The following CENPP variants were observed in gnomAD, a reference collection of about 807,000 sequenced individuals.
CENPP encodes centromere protein P.
In CENPP, 24 loss-of-function variants were observed where a neutral mutation model predicts 35.6. The observed-to-expected ratio is 0.67, with a 90% confidence interval of 0.49 to 0.95. The LOEUF (loss-of-function observed/expected upper bound fraction) is 0.95. Ranked by LOEUF, CENPP falls within the 40% of genes least tolerant of loss-of-function variation. CENPP has a pLI of 0.00. For synonymous variants in CENPP, 120 were observed against 125.5 expected, an observed-to-expected ratio of 0.96 and a Z score of 0.29; for missense variants, 332 against 345.3, an observed-to-expected ratio of 0.96 and a Z score of 0.31.
At chr9:92,500,136 G>A (rs139287586) in intron 5 of CENPP, among the ~76,000 whole-genome samples, 1 of 152,254 alleles carries the variant, frequency 6.6e-6, no homozygotes, top group African/African-American at 2.4e-5. Flanking sequence ...TTGCTTTGAA[G>A]ACTCATTTGA....
At chr9:92,490,271 G>C (rs1846146103) in intron 5 of CENPP, among the ~76,000 whole-genome samples, 2 of 152,190 alleles carry the variant, frequency 1.3e-5, no homozygotes, top group South Asian at 4.1e-4. Flanking sequence ...TTCTAGTTGA[G>C]AGCCAAGATA....
intron 5 of CENPP, chr9:92,523,007 T>G (rs1341654798): frequency 7.1e-6 from 7 of 992,298 alleles, no homozygotes; most frequent in Non-Finnish European, 1.0e-5. Context: ...ATTACACTTA[T>G]GATATATGGA....
chr9:92,431,331 T>G (rs1248949961), intron 5 of CENPP, among the ~76,000 whole-genome samples: 2 of 152,214 alleles, frequency 1.3e-5, no homozygotes, highest in African/African-American at 4.8e-5. Context: ...GCCTGTCGAT[T>G]GATGCACTGT....
intron 5 of CENPP, among the ~76,000 whole-genome samples, chr9:92,418,147 T>C (rs72752467): frequency 0.036 from 5,435 of 151,886 alleles, 129 homozygotes; most frequent in South Asian, 0.086. Context: ...AGTGTAGTGG[T>C]GCAGGCTTGG....
intron 5 of CENPP, among the ~76,000 whole-genome samples, chr9:92,558,686 G>A (rs1588274424): frequency 1.3e-5 from 2 of 152,192 alleles, no homozygotes; most frequent in African/African-American, 4.8e-5. Context: ...AGCAGTAGGC[G>A]GGGTCCTAGA....
intron 2 of CENPP, 136 bp from the exon 3 acceptor site, chr9:92,337,405 T>G: frequency 1.8e-6 from 1 of 544,668 alleles, no homozygotes; most frequent in South Asian, 2.9e-5. Flanking sequence ...TCTTCCAGAG[T>G]TTTTCAATGT....
intron 5 of CENPP, among the ~76,000 whole-genome samples, chr9:92,447,955 GGTAA>G (rs1057435491): frequency 2.0e-5 from 3 of 152,268 alleles, no homozygotes; most frequent in Non-Finnish European, 2.9e-5. Context: ...TTTTGAATGA[GGTAA>G]GTGTTTGAGA....
At chr9:92,479,012 G>T (rs984366965) in intron 5 of CENPP, among the ~76,000 whole-genome samples, 1 of 152,140 alleles carries the variant, frequency 6.6e-6, no homozygotes, top group Non-Finnish European at 1.5e-5. Flanking sequence ...ACCACGTAAT[G>T]GTTTCCCAGA....
intron 5 of CENPP, among the ~76,000 whole-genome samples, chr9:92,584,175 G>A (rs1325835986): frequency 1.3e-5 from 2 of 152,190 alleles, no homozygotes; most frequent in Non-Finnish European, 2.9e-5. Context: ...CCCATCTGCA[G>A]CAATACAAAT....
chr9:92,367,311 G>T (rs112730655), intron 4 of CENPP, among the ~76,000 whole-genome samples: 2 of 150,982 alleles, frequency 1.3e-5, no homozygotes, highest in East Asian at 2.0e-4. Flanking sequence ...GAATTACAGG[G>T]GCACGCCACC....
rs1419894922 is a variant in CENPP, at chr9:92,593,224, GAGA to G, written c.565-18087_565-18085del. On this transcript the variant is annotated intron_variant, in intron 5 of 7. Coordinates refer to ENST00000375587, the MANE Select transcript of CENPP (RefSeq NM_001012267.3). The surrounding 1 kb of genome is among the most constrained non-coding windows in gnomAD (Gnocchi z 4.1). ...GGTGAGCCAGCTCCTGGGCAAAGGT[GAGA>G]AGGATTTGTCACCAGAAGAAGGGAG... Among the ~76,000 whole-genome samples, 1 of 152,240 alleles carries G rather than the reference GAGA, an allele frequency of 6.6e-6. No individual in the cohort carries two copies. Among genetic ancestry groups the G allele is most frequent in the Non-Finnish European group, 1.5e-5 (1 of 68,036 alleles).
chr9:92,536,860 A>AT (rs200712976), intron 5 of CENPP, among the ~76,000 whole-genome samples: 15,468 of 139,904 alleles, frequency 0.11, 900 homozygotes, highest in Middle Eastern at 0.16. Context: ...TTTTAGAACT[A>AT]TTTTTTAAAT....
At chr9:92,565,064 C>T (rs35163281) in intron 5 of CENPP, among the ~76,000 whole-genome samples, 1 of 151,838 alleles carries the variant, frequency 6.6e-6, no homozygotes, top group Non-Finnish European at 1.5e-5. Flanking sequence ...TTAGAGGATT[C>T]TGGGGAGATG....
chr9:92,512,140 C>T (rs780113287), intron 5 of CENPP: 85 of 1,593,926 alleles, frequency 5.3e-5, no homozygotes, highest in Admixed American at 2.3e-4. Context: ...GGACACACAG[C>T]GGTTATGTTT....
At position 92,495,335 on chromosome 9, in the gene CENPP, A is replaced by G. The variant is rs1292594848; in HGVS notation, c.564+115476A>G. 3.3e-6 allele frequency: 3 copies of G among 916,706 alleles called. No individual in the cohort carries two copies. In the African/African-American group the frequency reaches 5.4e-5, roughly 16 times the overall value. 56.8% of individuals were successfully genotyped at this position (916,706 alleles called of 1,614,324 possible). On this transcript the variant is annotated intron_variant, in intron 5 of 7. Coordinates refer to ENST00000375587, the MANE Select transcript of CENPP (RefSeq NM_001012267.3). ...AATCATTATGTTAGAAAATTTTAATATATGATTTTGGTAGGGCCAATACAT... is the reference window on the plus strand; with the variant it reads ...AATCATTATGTTAGAAAATTTTAATGTATGATTTTGGTAGGGCCAATACAT...
chr9:92,367,884 G>A (rs1404297351), intron 4 of CENPP, among the ~76,000 whole-genome samples: 1 of 152,236 alleles, frequency 6.6e-6, no homozygotes, highest in East Asian at 1.9e-4. Flanking sequence ...CCAAAGCACT[G>A]GGATTGCAGG....
chr9:92,376,420 G>A (rs879864934), intron 4 of CENPP, among the ~76,000 whole-genome samples: 5 of 152,116 alleles, frequency 3.3e-5, no homozygotes, highest in Admixed American at 6.5e-5. Context: ...CCACAGCCAC[G>A]GAAAACCAGG....
At chr9:92,512,031 TG>T in intron 5 of CENPP, 1 of 1,613,080 alleles carries the variant, frequency 6.2e-7, no homozygotes, top group Non-Finnish European at 8.5e-7. Flanking sequence ...TTTGGACCTA[TG>T]CCTGAAGAAG....
At chr9:92,524,439 C>T (rs1047159083) in intron 5 of CENPP, among the ~76,000 whole-genome samples, 1 of 152,164 alleles carries the variant, frequency 6.6e-6, no homozygotes, top group Non-Finnish European at 1.5e-5. Context: ...ACAAGAGAAA[C>T]CTCCATCAAG....
Sources: gnomAD v4.1 joint callset for allele counts (sites outside exome capture counted in the v4.1 genomes callset) on GRCh38, gnomAD v4.1.1 for gene constraint, Gnocchi (gnomAD v3.1) non-coding constraint, MANE v1.5 for transcripts, NCBI Gene and HGNC (gene_info 2026-07-23, HGNC 2026-07-21) for gene names.